Variants in ETV6 observed in about 807,000 individuals in gnomAD.
The protein encoded by ETV6 is transcription factor ETV6.
A neutral mutation model predicts 51.1 loss-of-function variants in ETV6; 16 were observed. The observed-to-expected ratio is 0.31, with a 90% CI of 0.21 to 0.48. The LOEUF (loss-of-function observed/expected upper bound fraction) is 0.48. Among genes scored for constraint, ETV6 ranks in the 20% least tolerant of loss-of-function variants. ETV6 has a pLI of 0.99. For missense variants in ETV6, 458 were observed against 594.8 expected (o/e 0.77, Z 2.39); for synonymous variants, 240 against 224.1 (o/e 1.07, Z -0.64).
intron 4 of ETV6, among the ~76,000 whole-genome samples, chr12:11,859,423 G>A (rs1312032550): frequency 6.6e-6 from 1 of 152,060 alleles, no homozygotes; most frequent in African/African-American, 2.4e-5. Flanking sequence ...TTACAAGCAT[G>A]AGCCACCACA....
chr12:11,810,582 T>C lies in ETV6; in HGVS notation c.164-28558T>C, dbSNP rs566472428. ...ACCACACTGAAATAAAAAATACCTG[T>C]GGTCTCTTGAGATTCAAGTTGGCAA... On this transcript the variant is annotated intron_variant, in intron 2 of 7. Transcript: ENST00000396373. Among the ~76,000 whole-genome samples, 15 of 152,272 alleles carry C rather than the reference T, an allele frequency of 9.9e-5. No homozygotes were observed. The South Asian group carries it at 2.5e-3, about 25-fold the overall frequency.
At chr12:11,691,105 T>C (rs1481366968) in intron 1 of ETV6, among the ~76,000 whole-genome samples, 1 of 152,100 alleles carries the variant, frequency 6.6e-6, no homozygotes, top group Non-Finnish European at 1.5e-5. Context: ...TGCTGACTTC[T>C]CACTGTGTCC....
intron 2 of ETV6, among the ~76,000 whole-genome samples, chr12:11,803,414 T>C (rs1945780962): frequency 6.6e-6 from 1 of 152,220 alleles, no homozygotes. Flanking sequence ...GAATGAATCC[T>C]AAAAGTCAAA....
chr12:11,653,611 G>A (rs988228712), intron 1 of ETV6, among the ~76,000 whole-genome samples: 1 of 152,060 alleles, frequency 6.6e-6, no homozygotes, highest in Non-Finnish European at 1.5e-5. Flanking sequence ...GTTTGCTGAT[G>A]TGAATGAAGT....
At chr12:11,890,333 T>A (rs954655267) in intron 7 of ETV6, among the ~76,000 whole-genome samples, 1 of 151,968 alleles carries the variant, frequency 6.6e-6, no homozygotes, top group Non-Finnish European at 1.5e-5. Flanking sequence ...AAAGAACATA[T>A]ATACATGGTC....
intron 1 of ETV6, among the ~76,000 whole-genome samples, chr12:11,713,912 G>A (rs1865220625): frequency 6.6e-6 from 1 of 152,168 alleles, no homozygotes; most frequent in Non-Finnish European, 1.5e-5. Context: ...ATTCCTATGT[G>A]CAACCAAGCT....
chr12:11,827,629 G>A (rs527981778), intron 2 of ETV6, among the ~76,000 whole-genome samples: 23 of 152,178 alleles, frequency 1.5e-4, no homozygotes, highest in African/African-American at 4.8e-4. Flanking sequence ...CTGAGAAGAG[G>A]CTTTTTAAAA....
At chr12:11,690,885 T>TATAAATAAATAAATAA (rs1393705537) in intron 1 of ETV6, among the ~76,000 whole-genome samples, 16 of 6,714 alleles carry the variant, frequency 2.4e-3, no homozygotes, top group Admixed American at 8.3e-3. Flanking sequence ...AGACTCTGTC[T>TATAAATAAATAAATAA]CTAAATAAAT....
intron 2 of ETV6, among the ~76,000 whole-genome samples, chr12:11,784,862 ATTTTTTTTTTTT>A (rs34004409): frequency 1.2e-5 from 1 of 85,788 alleles, no homozygotes; most frequent in African/African-American, 4.8e-5. Context: ...TGCCTTGCTA[ATTTTTTTTTTTT>A]TTTTTTTTTT....
At chr12:11,662,050 G>C (rs1033635753) in intron 1 of ETV6, among the ~76,000 whole-genome samples, 15 of 152,098 alleles carry the variant, frequency 9.9e-5, no homozygotes, top group Admixed American at 9.2e-4. Context: ...TCGGTGTTAG[G>C]TAACATCTCA....
intron 5 of ETV6, among the ~76,000 whole-genome samples, chr12:11,873,493 GA>G (rs1946917587): frequency 8.6e-6 from 1 of 116,044 alleles, no homozygotes; most frequent in Admixed American, 9.6e-5. Context: ...GCTGTTAGAT[GA>G]GAAAACTTAG....
intron 2 of ETV6, among the ~76,000 whole-genome samples, chr12:11,814,114 C>T (rs1258040316): frequency 6.6e-6 from 1 of 152,062 alleles, no homozygotes; most frequent in Non-Finnish European, 1.5e-5. Flanking sequence ...TATATTTTAC[C>T]AGTACAGTGA....
intron 2 of ETV6, among the ~76,000 whole-genome samples, chr12:11,755,056 C>A (rs1944987783): frequency 6.6e-6 from 1 of 152,154 alleles, no homozygotes; most frequent in East Asian, 1.9e-4. Context: ...ACTATACCAC[C>A]AAAAAGTGTG....
Position 11,893,440 on chromosome 12 carries a change from A to ATGTT in ETV6, c.*2395_*2398dup, listed in dbSNP as rs1015540779. The ATGTT allele has an allele frequency of 1.7e-5, 4 of 231,686 alleles. No homozygotes were observed. Among genetic ancestry groups the ATGTT allele is most frequent in the East Asian group, 6.1e-5 (1 of 16,320 alleles). The allele number at this position is 231,686 out of a possible 1,614,324, so 14.4% of individuals were successfully genotyped here. A position where few individuals can be genotyped will look rare whatever the true frequency, so the allele number is the denominator to read the frequency against. On this transcript the variant is annotated 3_prime_UTR_variant, in exon 8 of 8. Transcript: ENST00000396373. ...ATTTAAAGCAATATCCCAGGAGAAT[A>ATGTT]TGTTAGACTTAGGATGATACCTTCA...
chr12:11,798,148 G>A (rs192181979), intron 2 of ETV6, among the ~76,000 whole-genome samples: 1 of 152,302 alleles, frequency 6.6e-6, no homozygotes, highest in East Asian at 1.9e-4. Context: ...GTAATTCGTT[G>A]GGGAAGACAG....
intron 2 of ETV6, among the ~76,000 whole-genome samples, chr12:11,778,929 C>T (rs16907264): frequency 0.042 from 6,409 of 152,320 alleles, 440 homozygotes; most frequent in African/African-American, 0.14. Context: ...TTCTTGAACA[C>T]TGTCAAACTG....
At chr12:11,657,195 T>A (rs979605158) in intron 1 of ETV6, among the ~76,000 whole-genome samples, 4 of 152,168 alleles carry the variant, frequency 2.6e-5, no homozygotes, top group Non-Finnish European at 5.9e-5. Flanking sequence ...TTATCCAAAT[T>A]TGTCATGAAG....
At chr12:11,760,727 GTACCC>G (rs927824333) in intron 2 of ETV6, among the ~76,000 whole-genome samples, 1 of 151,916 alleles carries the variant, frequency 6.6e-6, no homozygotes, top group Non-Finnish European at 1.5e-5. Context: ...TTTGGTCATT[GTACCC>G]TACCTGCCAG....
At chr12:11,760,333 C>T (rs1945066192) in intron 2 of ETV6, among the ~76,000 whole-genome samples, 1 of 152,146 alleles carries the variant, frequency 6.6e-6, no homozygotes, top group African/African-American at 2.4e-5. Flanking sequence ...AATAGAAATG[C>T]AGATGATGGG....
Sources: gnomAD v4.1 joint callset for allele counts (sites outside exome capture counted in the v4.1 genomes callset) on GRCh38, gnomAD v4.1.1 for gene constraint, MANE v1.5 for transcripts, NCBI Gene and HGNC (gene_info 2026-07-23, HGNC 2026-07-21) for gene names.